NKIRAS1: variants seen among roughly 807,000 people sequenced by gnomAD.
NKIRAS1 encodes the protein NF-kappa-B inhibitor-interacting Ras-like protein 1.
Under a neutral mutation model 19.8 loss-of-function variants are expected in NKIRAS1, and 16 were observed. The ratio of observed to expected loss-of-function variants is 0.81; its 90% CI spans 0.55 to 1.23. The LOEUF (loss-of-function observed/expected upper bound fraction) is 1.23. Ranked by LOEUF, NKIRAS1 falls within the 50% of genes most tolerant of loss-of-function variation. The probability of loss-of-function intolerance (pLI) is 0.00; values close to 1 mark genes in which losing one functional copy is unlikely to be tolerated. For missense variants in NKIRAS1, 184 were observed against 220.0 expected (o/e 0.84, Z 1.04); for synonymous variants, 88 against 79.0 (o/e 1.11, Z -0.61).
Position 23,928,125 on chromosome 3 carries a change from C to CAT in NKIRAS1, c.-139-16676_-139-16675insAT, listed in dbSNP as rs1192833765. On this transcript the variant is annotated intron_variant, in intron 1 of 4. Coordinates refer to the NKIRAS1 transcript ENST00000421515. ...CCACACACACACACACACACACACA[C>CAT]ACATACACACACACACAGTTCATCT... Among the ~76,000 whole-genome samples, 295 of 148,456 alleles carry CAT rather than the reference C, an allele frequency of 2.0e-3. 1 individual carries two copies. The highest frequency in any genetic ancestry group is 6.8e-3 in the African/African-American group (273 of 40,032).
upstream of NKIRAS1, chr3:23,920,425 G>T: frequency 1.0e-6 from 1 of 985,294 alleles, no homozygotes; most frequent in Non-Finnish European, 1.2e-6. Context: ...TCTTGTTCTG[G>T]CCAAACAACC....
chr3:23,910,880 C>T lies in NKIRAS1; in HGVS notation c.25G>A (p.Val9Ile), dbSNP rs1575098187. The change falls in exon 3 of 5, where the codon GTT becomes ATT. Residue 9 changes from valine to isoleucine, a missense_variant. Physicochemically the swap from Val to Ile is conservative, Grantham distance 29. Transcript: ENST00000425478. MGKGCKVV[V>I]CGLLSVGKTA... ...TTCCCCACAGATAACAATCCACAAA[C>T]CACAACCTTGCAGCCCTTTCCCATC... 6.2e-7 allele frequency: 1 copy of T among 1,614,194 alleles called. No individual in the cohort carries two copies. The highest frequency in any genetic ancestry group is 2.2e-5 in the East Asian group (1 of 44,872).
chr3:23,917,825 T>C, upstream of NKIRAS1: 4 of 1,593,468 alleles, frequency 2.5e-6, no homozygotes, highest in Non-Finnish European at 3.4e-6. Flanking sequence ...GCGGATGATA[T>C]TTAATACACA....
chr3:23,906,970 G>T (rs1483150294), intron 3 of NKIRAS1, among the ~76,000 whole-genome samples: 1 of 151,902 alleles, frequency 6.6e-6, no homozygotes. Flanking sequence ...CTTGGCTCAC[G>T]ATAAACTCTG....
chr3:23,910,734 T>G, intron 3 of NKIRAS1, 77 bp downstream of exon 3: 1 of 1,015,224 alleles, frequency 9.9e-7, no homozygotes, highest in Non-Finnish European at 1.5e-6. Flanking sequence ...ATCAACCACC[T>G]TTAGTTTAGC....
chr3:23,894,376 C>T (rs1701773358), intron 4 of NKIRAS1, among the ~76,000 whole-genome samples: 1 of 152,214 alleles, frequency 6.6e-6, no homozygotes, highest in Non-Finnish European at 1.5e-5. Flanking sequence ...GTACATTGAG[C>T]TTGAGCTCCC....
At chr3:23,895,136 C>A (rs927719481) in intron 4 of NKIRAS1, among the ~76,000 whole-genome samples, 1 of 152,118 alleles carries the variant, frequency 6.6e-6, no homozygotes, top group Non-Finnish European at 1.5e-5. Flanking sequence ...CCTTGATCTT[C>A]TGGGCTCAAG....
At chr3:23,940,893 G>A (rs1253504041) in intron 1 of NKIRAS1, among the ~76,000 whole-genome samples, 1 of 152,218 alleles carries the variant, frequency 6.6e-6, no homozygotes, top group African/African-American at 2.4e-5. Flanking sequence ...ACAGCAAACT[G>A]CCAGAGCTAT....
intron 1 of NKIRAS1, among the ~76,000 whole-genome samples, chr3:23,935,396 T>C (rs1265878712): frequency 2.0e-4 from 30 of 149,548 alleles, no homozygotes; most frequent in Non-Finnish European, 4.5e-5. Flanking sequence ...AAAAAATTGA[T>C]CAACGAATCA....
At chr3:23,928,291 A>AAAATAAATAAAT (rs71622762) in intron 1 of NKIRAS1, among the ~76,000 whole-genome samples, 204 of 144,762 alleles carry the variant, frequency 1.4e-3, no homozygotes, top group South Asian at 4.0e-3. Context: ...CTCTGTCTCA[A>AAAATAAATAAAT]AAATAAATAA....
At chr3:23,936,830 G>A (rs1215977352) in intron 1 of NKIRAS1, among the ~76,000 whole-genome samples, 3 of 152,256 alleles carry the variant, frequency 2.0e-5, no homozygotes, top group Non-Finnish European at 4.4e-5. Flanking sequence ...ACAGGCGTGA[G>A]CCACTGCACT....
chr3:23,918,897 G>A (rs1310429125), upstream of NKIRAS1: 1 of 515,424 alleles, frequency 1.9e-6, no homozygotes, highest in Non-Finnish European at 3.4e-6. Context: ...TCAGTTGTAT[G>A]GAAAAAGATA....
At chr3:23,897,507 C>A (rs1702099427) in intron 4 of NKIRAS1, among the ~76,000 whole-genome samples, 2 of 152,136 alleles carry the variant, frequency 1.3e-5, no homozygotes, top group Non-Finnish European at 2.9e-5. Context: ...TCCTTTGCCC[C>A]AAACCAGTGC....
Position 23,901,023 on chromosome 3 carries a change from C to G in NKIRAS1, c.121G>C (p.Asp41His). 6.2e-7 allele frequency: 1 copy of G among 1,614,058 alleles called. No individual in the cohort carries two copies. Among genetic ancestry groups the G allele is most frequent in the Non-Finnish European group, 8.5e-7 (1 of 1,179,966 alleles). Residue 41 changes from aspartate to histidine, a missense_variant, in exon 4 of 5, where the codon GAT (aspartate) becomes CAT (histidine). Transcript: ENST00000425478. ...IGMEDCETME[D>H]VYMASVETDR... ...GTTTCTACTGAAGCCATGTATACAT[C>G]TTCCATTGTTTCGCAATCTTCCATT...
At chr3:23,921,621 T>A, upstream of NKIRAS1, 1 of 588,216 alleles carries the variant, frequency 1.7e-6, no homozygotes, top group Non-Finnish European at 3.1e-6. Flanking sequence ...CTCACTCAGG[T>A]GGGAGTGCAG....
intron 1 of NKIRAS1, among the ~76,000 whole-genome samples, chr3:23,936,266 C>T (rs1042187603): frequency 6.6e-6 from 1 of 152,124 alleles, no homozygotes; most frequent in Non-Finnish European, 1.5e-5. Flanking sequence ...AAAATTCTAT[C>T]CTGTCATATT....
At chr3:23,899,194 G>A (rs1362691189) in intron 4 of NKIRAS1, among the ~76,000 whole-genome samples, 1 of 152,122 alleles carries the variant, frequency 6.6e-6, no homozygotes, top group Non-Finnish European at 1.5e-5. Flanking sequence ...AGGGAAGTGG[G>A]GCAGCTATAA....
intron 1 of NKIRAS1, chr3:23,945,217 G>A (rs1365058421): frequency 2.0e-5 from 3 of 149,736 alleles, no homozygotes; most frequent in Non-Finnish European, 4.5e-5. Context: ...GGTCGCCGCA[G>A]CGGCCGGCCG....
intron 4 of NKIRAS1, among the ~76,000 whole-genome samples, chr3:23,897,728 A>C (rs887674982): frequency 6.6e-6 from 1 of 152,156 alleles, no homozygotes; most frequent in Admixed American, 6.5e-5. Context: ...AATATCTGCT[A>C]AAGTCACCCT....
Sources: gnomAD v4.1 joint callset for allele counts (sites outside exome capture counted in the v4.1 genomes callset) on GRCh38, gnomAD v4.1.1 for gene constraint, MANE v1.5 for transcripts, NCBI Gene and HGNC (gene_info 2026-07-23, HGNC 2026-07-21) for gene names.